Variants in GMDS observed in about 807,000 individuals in gnomAD.
GMDS encodes GDP-mannose 4,6-dehydratase.
GMDS carries 20 observed loss-of-function variants against 49.9 expected under a neutral mutation model. The observed-to-expected ratio is 0.40, with a 90% CI of 0.28 to 0.58. The LOEUF (loss-of-function observed/expected upper bound fraction) is 0.58. Among genes scored for constraint, GMDS ranks in the 20% least tolerant of loss-of-function variants. The pLI, the probability that GMDS is intolerant of heterozygous loss-of-function variation, is 0.42. For missense variants in GMDS, 362 were observed against 481.4 expected, an observed-to-expected ratio of 0.75 and a Z score of 2.32; for synonymous variants, 177 against 178.6, an observed-to-expected ratio of 0.99 and a Z score of 0.07.
chr6:1,854,454 T>G (rs1435993585), intron 7 of GMDS, among the ~76,000 whole-genome samples: 1 of 152,226 alleles, frequency 6.6e-6, no homozygotes, highest in Non-Finnish European at 1.5e-5. Flanking sequence ...TTAGCTCCTA[T>G]CTATCCTTTT....
intron 9 of GMDS, among the ~76,000 whole-genome samples, chr6:1,667,131 G>A (rs987405364): frequency 1.3e-5 from 2 of 152,190 alleles, no homozygotes; most frequent in African/African-American, 2.4e-5. Context: ...GAGTGGTGAC[G>A]GTAGGGTTCT....
intron 1 of GMDS, among the ~76,000 whole-genome samples, chr6:2,183,801 A>G (rs1367788408): frequency 2.0e-5 from 3 of 152,196 alleles, no homozygotes; most frequent in Non-Finnish European, 4.4e-5. Flanking sequence ...ATCAGTCAGC[A>G]GCCACTAAAA....
chr6:2,071,224 C>A (rs956730565), intron 4 of GMDS, among the ~76,000 whole-genome samples: 1 of 152,178 alleles, frequency 6.6e-6, no homozygotes, highest in Admixed American at 6.5e-5. Context: ...TGTTAAATTA[C>A]CTACGAAACC....
intron 1 of GMDS, among the ~76,000 whole-genome samples, chr6:2,152,953 G>A (rs1012990889): frequency 2.6e-5 from 4 of 152,106 alleles, no homozygotes; most frequent in Non-Finnish European, 4.4e-5. Context: ...GGTGGTGGGC[G>A]CCTGTAATCC....
chr6:1,639,466 G>A (rs1246288989), intron 9 of GMDS, among the ~76,000 whole-genome samples: 1 of 152,244 alleles, frequency 6.6e-6, no homozygotes, highest in African/African-American at 2.4e-5. Context: ...ACCCAGTGGT[G>A]TTAGAGAACC....
intron 6 of GMDS, among the ~76,000 whole-genome samples, chr6:1,946,344 C>T (rs76441635): frequency 0.012 from 1,832 of 152,230 alleles, 36 homozygotes; most frequent in African/African-American, 0.041. Context: ...ATATCCTTCA[C>T]TACTATGGGA....
chr6:2,044,665 G>A (rs894254935), intron 4 of GMDS, among the ~76,000 whole-genome samples: 4 of 152,204 alleles, frequency 2.6e-5, no homozygotes, highest in African/African-American at 4.8e-5. Flanking sequence ...ACCCCGTGGC[G>A]TGAGTTCACC....
chr6:1,799,262 C>T (rs1428601081), intron 7 of GMDS, among the ~76,000 whole-genome samples: 1 of 152,064 alleles, frequency 6.6e-6, no homozygotes, highest in Non-Finnish European at 1.5e-5. Flanking sequence ...TTCTTTTCCC[C>T]TCAATGTTCA....
intron 7 of GMDS, among the ~76,000 whole-genome samples, chr6:1,759,436 A>G (rs1241946069): frequency 2.6e-5 from 4 of 152,218 alleles, no homozygotes; most frequent in Non-Finnish European, 4.4e-5. Flanking sequence ...TTGCGACTGC[A>G]TGATGCTCTT....
chr6:1,938,084 C>G (rs1762637563), intron 6 of GMDS, among the ~76,000 whole-genome samples: 1 of 152,156 alleles, frequency 6.6e-6, no homozygotes, highest in South Asian at 2.1e-4. Context: ...ACTTAAACAT[C>G]ATTTTAAGGG....
In GMDS at chr6:1,726,474, T is replaced by G. The variant is rs543700232; in HGVS notation, c.929A>C (p.Lys310Thr). Residue 310 changes from lysine (K) to threonine (T), a missense_variant, in exon 9 of 11, where the codon AAA (lysine) becomes ACA (threonine). Physicochemically the swap from Lys to Thr is moderately conservative, Grantham distance 78. Transcript: ENST00000380815. ...AGTCACGTGAACTTTGCCGGTCTCT[T>G]TACATCTGCCCACTTCATTTTCATT... ...GKNENEVGRC[K>T]ETGKVHVTVD... 1 of 1,613,708 alleles carries G rather than the reference T, an allele frequency of 6.2e-7. No homozygotes were observed. The highest frequency in any genetic ancestry group is 8.5e-7 in the Non-Finnish European group (1 of 1,179,562).
chr6:2,068,507 C>T (rs1406393751), intron 4 of GMDS, among the ~76,000 whole-genome samples: 2 of 152,076 alleles, frequency 1.3e-5, no homozygotes, highest in African/African-American at 4.8e-5. Flanking sequence ...GATTGTATAC[C>T]TAGAAAACCC....
Position 1,727,585 on chromosome 6 carries a change from T to C in GMDS, c.891-1073A>G, listed in dbSNP as rs142776686. Among the ~76,000 whole-genome samples, 558 of 152,150 alleles carry C rather than the reference T, an allele frequency of 3.7e-3. 6 individuals carry two copies. The highest frequency in any genetic ancestry group is 0.012 in the African/African-American group (510 of 41,512). ...CAGAGTCATCATGGGGAAGACAAAA[T>C]TAGTTACCTGCCTATGTAAGCCACA... is the stretch of plus-strand genomic sequence containing the variant. On this transcript the variant is annotated intron_variant, in intron 8 of 10. Coordinates refer to ENST00000380815, the MANE Select transcript of GMDS (RefSeq NM_001500.4).
chr6:2,127,670 G>A (rs1775524532), intron 1 of GMDS, among the ~76,000 whole-genome samples: 1 of 152,228 alleles, frequency 6.6e-6, no homozygotes, highest in Admixed American at 6.5e-5. Flanking sequence ...TGGGAAACGA[G>A]CCGAGCGAGG....
chr6:1,810,219 C>A (rs1313967196), intron 7 of GMDS, among the ~76,000 whole-genome samples: 1 of 152,094 alleles, frequency 6.6e-6, no homozygotes, highest in Non-Finnish European at 1.5e-5. Flanking sequence ...ATGGGGCACA[C>A]CAGAGGGAGG....
At chr6:2,062,283 G>T (rs1562017675) in intron 4 of GMDS, among the ~76,000 whole-genome samples, 1 of 152,264 alleles carries the variant, frequency 6.6e-6, no homozygotes, top group East Asian at 1.9e-4. Context: ...CTGGGGCATT[G>T]TCTCCCTTCA....
At chr6:1,680,588 C>T (rs186369389) in intron 9 of GMDS, among the ~76,000 whole-genome samples, 160 of 152,282 alleles carry the variant, frequency 1.1e-3, no homozygotes, top group Admixed American at 7.8e-3. Context: ...CTTGGGCGCC[C>T]GGCCAGGACA....
chr6:2,124,875 G>A, intron 1 of GMDS, 144 bp from the exon 2 acceptor site: 1 of 654,024 alleles, frequency 1.5e-6, no homozygotes, highest in Non-Finnish European at 2.8e-6. Flanking sequence ...CACCAATAAT[G>A]TCAATAAATA....
chr6:1,659,469 G>A (rs1763995745), intron 9 of GMDS, among the ~76,000 whole-genome samples: 2 of 152,066 alleles, frequency 1.3e-5, no homozygotes, highest in Non-Finnish European at 2.9e-5. Flanking sequence ...TTACAGCCTG[G>A]GTACCTTGCT....
Sources: allele counts gnomAD v4.1 joint callset (sites outside exome capture counted in the v4.1 genomes callset), GRCh38; gene constraint gnomAD v4.1.1; transcripts MANE v1.5; gene names NCBI Gene and HGNC (gene_info 2026-07-23, HGNC 2026-07-21).